The following PLEKHG1 variants were observed in gnomAD, a reference collection of about 807,000 sequenced individuals.
PLEKHG1 encodes pleckstrin homology domain-containing family G member 1.
Under a neutral mutation model 100.8 loss-of-function variants are expected in PLEKHG1, and 44 were observed. The ratio of observed to expected loss-of-function variants is 0.44; its 90% CI spans 0.34 to 0.56. The LOEUF (loss-of-function observed/expected upper bound fraction) is 0.56. Among genes scored for constraint, PLEKHG1 ranks in the 20% least tolerant of loss-of-function variants. PLEKHG1 has a pLI of 0.01. For missense variants in PLEKHG1, 1,545 were observed against 1,720.9 expected, an observed-to-expected ratio of 0.90 and a Z score of 1.81; for synonymous variants, 640 against 662.5, an observed-to-expected ratio of 0.97 and a Z score of 0.52.
intron 6 of PLEKHG1, among the ~76,000 whole-genome samples, chr6:150,803,286 T>C (rs1786821125): frequency 6.6e-6 from 1 of 152,248 alleles, no homozygotes; most frequent in Admixed American, 6.5e-5. Flanking sequence ...TAGCTGATTA[T>C]GTATGATAAA....
chr6:150,678,100 A>ATATATATATG, intron 3 of PLEKHG1, among the ~76,000 whole-genome samples: 1 of 135,016 alleles, frequency 7.4e-6, no homozygotes, highest in Non-Finnish European at 1.6e-5. Context: ...ATATATATAT[A>ATATATATATG]TATGTTGTGG....
intron 14 of PLEKHG1, among the ~76,000 whole-genome samples, chr6:150,826,287 G>A (rs888028387): frequency 2.6e-5 from 4 of 151,972 alleles, no homozygotes; most frequent in Admixed American, 6.6e-5. Context: ...GTGAAACCCC[G>A]TCTCTACTAA....
intron 1 of PLEKHG1, among the ~76,000 whole-genome samples, chr6:150,732,063 G>A (rs147606817): frequency 0.12 from 17,502 of 150,316 alleles, 1,070 homozygotes; most frequent in South Asian, 0.16. Flanking sequence ...CCGGGTTCAC[G>A]CCATTCTCCT....
At chr6:150,641,575 CT>C (rs910645531) in intron 2 of PLEKHG1, among the ~76,000 whole-genome samples, 3 of 152,236 alleles carry the variant, frequency 2.0e-5, no homozygotes, top group African/African-American at 2.4e-5. Context: ...AACAGTTCCC[CT>C]TTTTTTAGAA....
chr6:150,679,604 AG>A (rs930504636), intron 3 of PLEKHG1, among the ~76,000 whole-genome samples: 1 of 152,350 alleles, frequency 6.6e-6, no homozygotes, highest in African/African-American at 2.4e-5. Context: ...ATTATACCAA[AG>A]TCCTCAGGGC....
intron 3 of PLEKHG1, among the ~76,000 whole-genome samples, chr6:150,774,790 C>G (rs1327094221): frequency 6.6e-6 from 1 of 151,846 alleles, no homozygotes; most frequent in Non-Finnish European, 1.5e-5. Context: ...CTCAGCCTCC[C>G]AAAGTGCTGG....
rs1302905446 is a variant in PLEKHG1 at position 150,692,977 on chromosome 6, TC to T, written c.-98-40605del. Among the ~76,000 whole-genome samples the T allele has an allele frequency of 9.2e-5, 14 of 152,278 alleles. No homozygotes were observed. The South Asian group carries it at 2.3e-3, about 25-fold the overall frequency. ...GTTGAGATGTCCATATGGCTGAAGTTCCAGGTCAGAACATAGAAGGCCTTAA... is the reference window on the plus strand; with the variant it reads ...GTTGAGATGTCCATATGGCTGAAGTTCAGGTCAGAACATAGAAGGCCTTAA... On this transcript the variant is annotated intron_variant, in intron 3 of 3. Transcript: ENST00000367326.
chr6:150,785,525 A>T (rs754749092), intron 3 of PLEKHG1, among the ~76,000 whole-genome samples: 2 of 152,236 alleles, frequency 1.3e-5, no homozygotes, highest in African/African-American at 2.4e-5. Flanking sequence ...ACTTAAAATA[A>T]TGATACTCCT....
intron 3 of PLEKHG1, among the ~76,000 whole-genome samples, chr6:150,706,198 A>G (rs992584012): frequency 6.6e-6 from 1 of 152,066 alleles, no homozygotes; most frequent in African/African-American, 2.4e-5. Flanking sequence ...ACAAATCCTC[A>G]CTTCAGTACT....
At chr6:150,736,410 T>C (rs1782564050) in intron 2 of PLEKHG1, among the ~76,000 whole-genome samples, 1 of 152,242 alleles carries the variant, frequency 6.6e-6, no homozygotes, top group African/African-American at 2.4e-5. Flanking sequence ...GCCAGCCTTC[T>C]CTAAGTTTGC....
At chr6:150,832,167 C>T (rs1298950718) in exon 15 of PLEKHG1, 1 of 1,607,826 alleles carries the variant, frequency 6.2e-7, no homozygotes, top group Non-Finnish European at 8.5e-7. Flanking sequence ...GACCTGGCTG[C>T]CATCTTGGAA....
chr6:150,786,259 C>A (rs1785617199), intron 3 of PLEKHG1, 131 bp from the exon 5 acceptor site: 3 of 656,718 alleles, frequency 4.6e-6, no homozygotes, highest in Admixed American at 2.7e-5. Context: ...ACAATGACAG[C>A]AGATCCTCAG....
At chr6:150,669,578 G>A (rs1293295847) in intron 3 of PLEKHG1, among the ~76,000 whole-genome samples, 5 of 150,588 alleles carry the variant, frequency 3.3e-5, no homozygotes, top group Admixed American at 6.6e-5. Context: ...ATCCTATGCT[G>A]TGTAAAGAAT....
At chr6:150,605,503 G>A (rs1430768997) in intron 1 of PLEKHG1, 2 of 152,160 alleles carry the variant, frequency 1.3e-5, no homozygotes, top group Non-Finnish European at 2.9e-5. Flanking sequence ...TCGATAAATG[G>A]TAACTTTTAT....
intron 3 of PLEKHG1, among the ~76,000 whole-genome samples, chr6:150,698,808 C>T (rs994905163): frequency 6.6e-6 from 1 of 152,140 alleles, no homozygotes; most frequent in African/African-American, 2.4e-5. Flanking sequence ...AGTGTCTTCA[C>T]TAATAAGCAT....
intron 1 of PLEKHG1, among the ~76,000 whole-genome samples, chr6:150,723,246 G>C (rs1436392320): frequency 6.6e-6 from 1 of 152,170 alleles, no homozygotes; most frequent in East Asian, 1.9e-4. Flanking sequence ...AAACCCCGGG[G>C]GGTGCAGAGC....
At chr6:150,804,683 G>C in exon 7 of PLEKHG1, 1 of 1,613,736 alleles carries the variant, frequency 6.2e-7, no homozygotes, top group East Asian at 2.2e-5. Flanking sequence ...ACAATGCAGC[G>C]AGTCGCCTGG....
At chr6:150,829,966 G>A (rs1562560208) in intron 14 of PLEKHG1, among the ~76,000 whole-genome samples, 1 of 152,176 alleles carries the variant, frequency 6.6e-6, no homozygotes, top group Non-Finnish European at 1.5e-5. Flanking sequence ...AGAACAGATA[G>A]CATGGCCCTT....
intron 3 of PLEKHG1, among the ~76,000 whole-genome samples, chr6:150,712,662 A>C (rs1258204672): frequency 6.6e-6 from 1 of 152,234 alleles, no homozygotes; most frequent in African/African-American, 2.4e-5. Context: ...AACATAAACA[A>C]GTTACTTCAT....
Sources: gnomAD v4.1 joint callset for allele counts (sites outside exome capture counted in the v4.1 genomes callset) on GRCh38, gnomAD v4.1.1 for gene constraint, MANE v1.5 for transcripts, NCBI Gene and HGNC (gene_info 2026-07-23, HGNC 2026-07-21) for gene names.